ACER3: variants seen among roughly 807,000 people sequenced by gnomAD.
ACER3 encodes alkaline ceramidase 3.
Under a neutral mutation model 48.9 loss-of-function variants are expected in ACER3, and 16 were observed. That is an observed-to-expected ratio of 0.33 (90% CI 0.22 to 0.50). The LOEUF is 0.50. Among genes scored for constraint, ACER3 ranks in the 20% least tolerant of loss-of-function variants. ACER3 has a pLI of 0.98. For synonymous variants in ACER3, 109 were observed against 107.8 expected, an observed-to-expected ratio of 1.01 and a Z score of -0.07; for missense variants, 227 against 326.0, an observed-to-expected ratio of 0.70 and a Z score of 2.34.
In ACER3 at chr11:76,926,439, T is replaced by C. The variant is rs866683136; in HGVS notation, c.104-118T>C. ...TTTTTTTCAGCACCTTGAAAATATC[T>C]TCCCAATGTCTTTCTGAGAAGTTAC... On this transcript the variant is annotated intron_variant, in intron 1 of 10. Transcript: ENST00000532485. 1.6e-5 allele frequency: 8 copies of C among 512,986 alleles called. No homozygotes were observed. In the South Asian group the frequency reaches 3.6e-4, roughly 23 times the overall value. 31.8% of individuals were successfully genotyped at this position (512,986 alleles called of 1,614,324 possible). A position where few individuals can be genotyped will look rare whatever the true frequency, so the allele number is the denominator to read the frequency against.
chr11:76,918,341 G>T (rs1015794066), intron 1 of ACER3, among the ~76,000 whole-genome samples: 4 of 151,644 alleles, frequency 2.6e-5, no homozygotes, highest in African/African-American at 9.7e-5. Flanking sequence ...TTATATGATG[G>T]TTATTATTAT....
chr11:77,022,868 C>CAAAAA lies in ACER3; in HGVS notation c.*2561_*2565dup, dbSNP rs10565723. 1.5e-3 allele frequency: 418 copies of CAAAAA among 280,978 alleles called. No homozygotes were observed. Among genetic ancestry groups the CAAAAA allele is most frequent in the Admixed American group, 2.8e-3 (46 of 16,178 alleles). 17.4% of individuals were successfully genotyped at this position (280,978 alleles called of 1,614,324 possible). A position where few individuals can be genotyped will look rare whatever the true frequency, so the allele number is the denominator to read the frequency against. On this transcript the variant is annotated 3_prime_UTR_variant, in exon 11 of 11. Coordinates refer to ENST00000532485, the MANE Select transcript of ACER3 (RefSeq NM_018367.7). ...ATGGTGGCAGAGCGAGACTCCGTCT[C>CAAAAA]AAAAAAAAAAAAAAAAAAAAAAAAG...
intron 6 of ACER3, among the ~76,000 whole-genome samples, chr11:76,993,288 A>G (rs1010951965): frequency 2.0e-5 from 3 of 152,198 alleles, no homozygotes; most frequent in Non-Finnish European, 4.4e-5. Context: ...CTTACACCCT[A>G]TCTCTATAGT....
At chr11:76,997,901 T>TCC (rs1948948284) in intron 6 of ACER3, among the ~76,000 whole-genome samples, 1 of 152,070 alleles carries the variant, frequency 6.6e-6, no homozygotes, top group Non-Finnish European at 1.5e-5. Flanking sequence ...GCAAACAGTA[T>TCC]TATTATTACT....
intron 2 of ACER3, among the ~76,000 whole-genome samples, chr11:76,942,006 A>G (rs1236168439): frequency 3.3e-5 from 5 of 152,118 alleles, no homozygotes; most frequent in Non-Finnish European, 7.4e-5. Context: ...TGATTTATGT[A>G]CATTGATTTT....
At chr11:77,008,225 A>G (rs1949193754) in intron 7 of ACER3, among the ~76,000 whole-genome samples, 1 of 152,196 alleles carries the variant, frequency 6.6e-6, no homozygotes, top group South Asian at 2.1e-4. Flanking sequence ...TACTTAGTGG[A>G]ACGAATATGA....
intron 1 of ACER3, 137 bp downstream of exon 1, chr11:76,861,216 T>G: frequency 1.4e-6 from 1 of 704,174 alleles, no homozygotes; most frequent in Non-Finnish European, 2.1e-6. Context: ...TGCGGCGCCC[T>G]GGGCCAGCGG....
At chr11:76,920,930 T>C (rs941768927) in intron 1 of ACER3, among the ~76,000 whole-genome samples, 6 of 152,200 alleles carry the variant, frequency 3.9e-5, no homozygotes, top group Non-Finnish European at 8.8e-5. Context: ...TGATCCACAA[T>C]GCCTGGGCTG....
At chr11:76,969,689 A>G (rs10899338) in intron 3 of ACER3, among the ~76,000 whole-genome samples, 85,740 of 150,078 alleles carry the variant, frequency 0.57, 27,628 homozygotes, top group Non-Finnish European at 0.73. Context: ...GCAAACTATC[A>G]CAAGGACAAA....
At chr11:76,901,077 G>A (rs1289241127) in intron 1 of ACER3, among the ~76,000 whole-genome samples, 1 of 152,092 alleles carries the variant, frequency 6.6e-6, no homozygotes, top group African/African-American at 2.4e-5. Flanking sequence ...ATGATGTTCT[G>A]TCTATGGGCC....
At chr11:77,001,319 G>A (rs1778646108) in intron 7 of ACER3, among the ~76,000 whole-genome samples, 1 of 152,112 alleles carries the variant, frequency 6.6e-6, no homozygotes, top group South Asian at 2.1e-4. Context: ...GCGATGGCAT[G>A]ATCTCGGCTC....
chr11:76,935,458 T>G (rs557062714), intron 2 of ACER3, among the ~76,000 whole-genome samples: 1 of 152,306 alleles, frequency 6.6e-6, no homozygotes, highest in African/African-American at 2.4e-5. Context: ...ACTATTGGAT[T>G]GTAAAAATGA....
intron 4 of ACER3, among the ~76,000 whole-genome samples, chr11:76,984,294 TA>T (rs1321902011): frequency 2.0e-5 from 3 of 152,220 alleles, no homozygotes; most frequent in African/African-American, 7.2e-5. Context: ...CCAGGCCTCC[TA>T]AAGACCTTTG....
At chr11:76,986,007 T>G (rs1433832890) in intron 5 of ACER3, among the ~76,000 whole-genome samples, 1 of 152,236 alleles carries the variant, frequency 6.6e-6, no homozygotes, top group Non-Finnish European at 1.5e-5. Flanking sequence ...TTCTCATAGA[T>G]GGACATATTA....
intron 3 of ACER3, among the ~76,000 whole-genome samples, chr11:76,970,905 A>G (rs1948281084): frequency 6.6e-6 from 1 of 152,150 alleles, no homozygotes; most frequent in African/African-American, 2.4e-5. Context: ...ACAACCCCTG[A>G]CAATCACTCT....
rs1370076046 is a variant in ACER3, at chr11:77,021,381, A to G, written c.*1054A>G. 6.6e-6 allele frequency: 1 copy of G among 152,220 alleles called. No homozygotes were observed. Among genetic ancestry groups the G allele is most frequent in the Non-Finnish European group, 1.5e-5 (1 of 68,034 alleles). The allele number at this position is 152,220 out of a possible 1,614,324, so 9.4% of individuals were successfully genotyped here. A position where few individuals can be genotyped will look rare whatever the true frequency, so the allele number is the denominator to read the frequency against. The stretch of plus-strand genomic sequence containing the variant: ...AAGGAAATAGATGTAAGTTTCTGCT[A>G]CTTGAAACCTACAGAACCGACAAAA... On this transcript the variant is annotated 3_prime_UTR_variant, in exon 11 of 11. Coordinates refer to ENST00000532485, the MANE Select transcript of ACER3 (RefSeq NM_018367.7).
At chr11:76,898,505 C>CT (rs1323727917) in intron 1 of ACER3, among the ~76,000 whole-genome samples, 1 of 152,150 alleles carries the variant, frequency 6.6e-6, no homozygotes, top group African/African-American at 2.4e-5. Flanking sequence ...CTATGCCCAA[C>CT]TTATAGAGGA....
chr11:76,960,925 A>G (rs905012578), intron 3 of ACER3, among the ~76,000 whole-genome samples: 29 of 152,150 alleles, frequency 1.9e-4, no homozygotes, highest in Non-Finnish European at 3.8e-4. Context: ...TAGTGGGGAC[A>G]GCTTTGTGCC....
intron 2 of ACER3, among the ~76,000 whole-genome samples, chr11:76,938,301 C>T (rs1431547687): frequency 6.6e-6 from 1 of 152,058 alleles, no homozygotes; most frequent in Non-Finnish European, 1.5e-5. Flanking sequence ...AGGCTTGACC[C>T]ATTGCATTAG....
Sources: allele counts gnomAD v4.1 joint callset (sites outside exome capture counted in the v4.1 genomes callset), GRCh38; gene constraint gnomAD v4.1.1; transcripts MANE v1.5; gene names NCBI Gene and HGNC (gene_info 2026-07-23, HGNC 2026-07-21).